The following SHANK2 variants were observed in gnomAD, a reference collection of about 807,000 sequenced individuals.
The protein encoded by SHANK2 is SH3 and multiple ankyrin repeat domains protein 2.
SHANK2 carries 43 observed loss-of-function variants against 133.7 expected under a neutral mutation model. The observed-to-expected ratio is 0.32, with a 90% CI of 0.25 to 0.41. The LOEUF (loss-of-function observed/expected upper bound fraction) is 0.41, where lower values mean the gene tolerates loss of function less well. SHANK2 is among the 10% of genes least tolerant of loss of function. The probability of loss-of-function intolerance (pLI) is 1.00; values close to 1 mark genes in which losing one functional copy is unlikely to be tolerated. For missense variants in SHANK2, 1,994 were observed against 2,235.8 expected, an observed-to-expected ratio of 0.89 and a Z score of 2.18; for synonymous variants, 1,017 against 952.8, an observed-to-expected ratio of 1.07 and a Z score of -1.24.
At chr11:70,666,214 G>GGAAGTCA (rs782469659) in intron 15 of SHANK2, among the ~76,000 whole-genome samples, 62 of 152,210 alleles carry the variant, frequency 4.1e-4, no homozygotes, top group Non-Finnish European at 6.9e-4. Flanking sequence ...GCTTGGCCCA[G>GGAAGTCA]GAAGTCAGAG....
At chr11:70,841,188 T>C (rs1008513677) in intron 11 of SHANK2, among the ~76,000 whole-genome samples, 2 of 152,118 alleles carry the variant, frequency 1.3e-5, no homozygotes, top group Non-Finnish European at 2.9e-5. Flanking sequence ...GGAGAATCGC[T>C]TGAACCTGGG....
chr11:70,501,854 G>A, intron 20 of SHANK2, 69 bp downstream of exon 20: 2 of 1,509,332 alleles, frequency 1.3e-6, no homozygotes, highest in Non-Finnish European at 9.0e-7. Flanking sequence ...CCTGGGCTGA[G>A]GTGGATGTCA....
chr11:70,874,317 A>AATCT (rs781882194), intron 11 of SHANK2, among the ~76,000 whole-genome samples: 2 of 152,114 alleles, frequency 1.3e-5, no homozygotes, highest in Non-Finnish European at 2.9e-5. Flanking sequence ...ATTTATATGT[A>AATCT]ATCTATCTAT....
chr11:70,946,283 AACAACGC>A (rs1555085401), intron 10 of SHANK2, among the ~76,000 whole-genome samples: 2 of 143,902 alleles, frequency 1.4e-5, no homozygotes, highest in African/African-American at 5.3e-5. Flanking sequence ...CTCTCCACTA[AACAACGC>A]TTCCCAGGCT....
At chr11:70,664,731 G>T (rs186871173) in intron 15 of SHANK2, among the ~76,000 whole-genome samples, 5 of 152,314 alleles carry the variant, frequency 3.3e-5, no homozygotes, top group Non-Finnish European at 5.9e-5. Flanking sequence ...GGGCCAGGGG[G>T]GCTGCCCAGA....
intron 3 of SHANK2, among the ~76,000 whole-genome samples, chr11:71,138,580 G>C (rs1249635688): frequency 6.6e-6 from 1 of 152,012 alleles, no homozygotes; most frequent in Admixed American, 6.6e-5. Context: ...ACTTTGGGAG[G>C]CTGAGGTGGG....
intron 2 of SHANK2, among the ~76,000 whole-genome samples, chr11:71,174,144 A>G (rs1555112706): frequency 1.3e-5 from 2 of 152,242 alleles, no homozygotes; most frequent in East Asian, 3.8e-4. Context: ...TCTCATCCTG[A>G]TATCTTTGCA....
At chr11:70,645,266 C>A (rs1196507142) in intron 17 of SHANK2, among the ~76,000 whole-genome samples, 92 of 152,154 alleles carry the variant, frequency 6.0e-4, no homozygotes, top group Non-Finnish European at 8.8e-5. Flanking sequence ...AAGAAGCACA[C>A]AAGGTACACA....
chr11:70,715,694 A>G (rs373363565), intron 14 of SHANK2, among the ~76,000 whole-genome samples: 1 of 152,260 alleles, frequency 6.6e-6, no homozygotes, highest in African/African-American at 2.4e-5. Flanking sequence ...GAGTAAATGG[A>G]TGAATCTGTG....
chr11:71,138,790 CAAA>C (rs58396625), intron 3 of SHANK2, among the ~76,000 whole-genome samples: 6 of 82,942 alleles, frequency 7.2e-5, no homozygotes, highest in Admixed American at 2.9e-4. Context: ...GACCCTATCT[CAAA>C]AAAAAAAAAA....
rs782343605 is a variant in SHANK2 at position 70,487,212 on chromosome 11, G to A, written c.3081C>T (p.Cys1027=). 5 of 1,614,034 alleles carry A rather than the reference G, an allele frequency of 3.1e-6. No individual in the cohort carries two copies. The highest frequency in any genetic ancestry group is 1.1e-5 in the South Asian group (1 of 91,084). The change falls in exon 25 of 26, where the codon TGC becomes TGT. Residue 1027 remains cysteine, a synonymous_variant. Coordinates refer to ENST00000601538, the MANE Select transcript of SHANK2 (RefSeq NM_012309.5). The surrounding 1 kb of genome is among the most constrained non-coding windows in gnomAD (Gnocchi z 5.8). ...SNVEDSPEKT[C]SIPIPTIIVK... Reference sequence around the variant, plus strand: ...CGATGATGGTCGGGATAGGGATGGAGCACGTCTTCTCGGGGCTGTCCTCCA... The same window carrying A: ...CGATGATGGTCGGGATAGGGATGGAACACGTCTTCTCGGGGCTGTCCTCCA...
chr11:70,545,490 T>G (rs2059680425), intron 17 of SHANK2, among the ~76,000 whole-genome samples: 1 of 152,180 alleles, frequency 6.6e-6, no homozygotes. Flanking sequence ...ACTGCAGAGC[T>G]GAGGGTCCTC....
intron 25 of SHANK2, among the ~76,000 whole-genome samples, chr11:70,483,575 G>A (rs1227313317): frequency 6.7e-6 from 1 of 150,038 alleles, no homozygotes; most frequent in Non-Finnish European, 1.5e-5. Context: ...GCTGGGTGTG[G>A]TGGCATGCGT....
intron 17 of SHANK2, among the ~76,000 whole-genome samples, chr11:70,650,767 A>G (rs1327041822): frequency 6.6e-6 from 1 of 152,208 alleles, no homozygotes; most frequent in Non-Finnish European, 1.5e-5. Context: ...ACCATCTTTC[A>G]TGAAGCCCTT....
chr11:70,795,291 A>G (rs1947882342), intron 14 of SHANK2, among the ~76,000 whole-genome samples: 1 of 152,194 alleles, frequency 6.6e-6, no homozygotes, highest in African/African-American at 2.4e-5. Context: ...GCAAAAGGGA[A>G]TTAAGGTTGC....
At chr11:70,923,506 C>T (rs978309740) in intron 10 of SHANK2, among the ~76,000 whole-genome samples, 14 of 152,110 alleles carry the variant, frequency 9.2e-5, no homozygotes, top group Non-Finnish European at 1.2e-4. Flanking sequence ...CCTCCCAAAG[C>T]ACTGGGATCA....
chr11:71,245,892 G>A (rs1378223221), intron 1 of SHANK2, among the ~76,000 whole-genome samples: 6 of 152,230 alleles, frequency 3.9e-5, no homozygotes, highest in East Asian at 1.9e-4. Context: ...ACAGGAGCCC[G>A]GCTGGCCCAG....
At chr11:70,863,774 TCCTCA>T (rs1949302232) in intron 11 of SHANK2, 1 of 456,206 alleles carries the variant, frequency 2.2e-6, no homozygotes, top group East Asian at 7.0e-5. Flanking sequence ...CTCAGGTAGG[TCCTCA>T]TCCAACAGGA....
intron 8 of SHANK2, among the ~76,000 whole-genome samples, chr11:71,077,337 A>T (rs1951234913): frequency 1.3e-5 from 2 of 152,192 alleles, no homozygotes; most frequent in Admixed American, 6.5e-5. Flanking sequence ...GGTTAATCTG[A>T]ATTTATGAGC....
Sources: gnomAD v4.1 joint callset for allele counts (sites outside exome capture counted in the v4.1 genomes callset) on GRCh38, gnomAD v4.1.1 for gene constraint, Gnocchi (gnomAD v3.1) non-coding constraint, MANE v1.5 for transcripts, NCBI Gene and HGNC (gene_info 2026-07-23, HGNC 2026-07-21) for gene names.